ALG14: variants seen among roughly 807,000 people sequenced by gnomAD.
The protein encoded by ALG14 is UDP-N-acetylglucosamine transferase subunit ALG14.
ALG14 carries 17 observed loss-of-function variants against 22.8 expected under a neutral mutation model. The observed-to-expected ratio is 0.75, with a 90% CI of 0.51 to 1.12. The LOEUF is 1.12. ALG14 is among the 50% of genes most tolerant of loss of function. The pLI, the probability that ALG14 is intolerant of heterozygous loss-of-function variation, is 0.00. For missense variants in ALG14, 288 were observed against 271.8 expected, an observed-to-expected ratio of 1.06 and a Z score of -0.42; for synonymous variants, 89 against 103.7, an observed-to-expected ratio of 0.86 and a Z score of 0.86.
chr1:94,988,919 T>G (rs548289397), intron 3 of ALG14, among the ~76,000 whole-genome samples: 1 of 152,350 alleles, frequency 6.6e-6, no homozygotes, highest in African/African-American at 2.4e-5. Flanking sequence ...CTCTTCTAAC[T>G]TACGTCTTTG....
intron 3 of ALG14, among the ~76,000 whole-genome samples, chr1:95,000,777 T>TAAA (rs56810994): frequency 1.7e-4 from 11 of 65,196 alleles, no homozygotes; most frequent in African/African-American, 3.4e-4. Context: ...TATGCCACAC[T>TAAA]AAAAAAAAAA....
intron 3 of ALG14, among the ~76,000 whole-genome samples, chr1:95,013,299 T>C (rs1435952756): frequency 6.6e-6 from 1 of 152,084 alleles, no homozygotes; most frequent in African/African-American, 2.4e-5. Flanking sequence ...CCTCCATCTC[T>C]TTTGATGGAA....
At chr1:95,055,222 G>A (rs1022208140) in intron 2 of ALG14, among the ~76,000 whole-genome samples, 3 of 152,140 alleles carry the variant, frequency 2.0e-5, no homozygotes, top group Admixed American at 2.0e-4. Flanking sequence ...AAAACAAAAG[G>A]TGTAAGGATT....
Position 94,981,685 on chromosome 1 carries a change from T to TATTTTTTATTA in ALG14, c.*1390_*1391insTAATAAAAAAT, listed in dbSNP as rs1459737932. The stretch of plus-strand genomic sequence containing the variant: ...TTTTCTGTTTTTTATTTTGTTTTGT[T>TATTTTTTATTA]TTTTTTTTTTTTGGCTGCTTTGTTA... On this transcript the variant is annotated 3_prime_UTR_variant, in exon 4 of 4. Transcript: ENST00000370205. The TATTTTTTATTA allele has an allele frequency of 6.7e-5, 7 of 104,336 alleles. No individual in the cohort carries two copies. Among genetic ancestry groups the TATTTTTTATTA allele is most frequent in the African/African-American group, 1.7e-4 (6 of 34,528 alleles). 6.5% of individuals were successfully genotyped at this position (104,336 alleles called of 1,614,324 possible). A position where few individuals can be genotyped will look rare whatever the true frequency, so the allele number is the denominator to read the frequency against.
At chr1:95,060,711 G>GT (rs199781918) in intron 2 of ALG14, among the ~76,000 whole-genome samples, 107 of 151,342 alleles carry the variant, frequency 7.1e-4, no homozygotes, top group Non-Finnish European at 1.2e-3. Flanking sequence ...GTGAGACTCT[G>GT]TTTAAAAAAA....
At chr1:95,029,265 G>A (rs1252417834) in intron 2 of ALG14, among the ~76,000 whole-genome samples, 1 of 152,164 alleles carries the variant, frequency 6.6e-6, no homozygotes, top group Non-Finnish European at 1.5e-5. Context: ...TTGCCAAATG[G>A]ATCTTTCCAT....
rs1672529503 is a variant in ALG14 at position 94,982,785 on chromosome 1, C to T, written c.*291G>A. On this transcript the variant is annotated 3_prime_UTR_variant, in exon 4 of 4. Transcript: ENST00000370205. ...TATATTTAGTTCTGTAAAAAAAATA[C>T]TACTAAAACAGCCAGAAGAAAATTT... The T allele has an allele frequency of 5.0e-6, 1 of 201,130 alleles. No homozygotes were observed. The highest frequency in any genetic ancestry group is 6.2e-5 in the Admixed American group (1 of 16,166). The allele number at this position is 201,130 out of a possible 1,614,324, so 12.5% of individuals were successfully genotyped here.
At chr1:95,036,291 T>G (rs1674192178) in intron 2 of ALG14, among the ~76,000 whole-genome samples, 1 of 152,170 alleles carries the variant, frequency 6.6e-6, no homozygotes. Flanking sequence ...GATGGTTTTA[T>G]AAGGGGCTTC....
chr1:95,000,155 G>A (rs1015898122), intron 3 of ALG14, among the ~76,000 whole-genome samples: 1 of 152,106 alleles, frequency 6.6e-6, no homozygotes, highest in Non-Finnish European at 1.5e-5. Context: ...TGGTTTGAAG[G>A]CTCACCTGAA....
chr1:94,981,681 TTG>T lies in ALG14; in HGVS notation c.*1393_*1394del, dbSNP rs1472748099. ...TCTCTTTTCTGTTTTTTATTTTGTTTTGTTTTTTTTTTTTTTGGCTGCTTTGT... is the reference window on the plus strand; with the variant it reads ...TCTCTTTTCTGTTTTTTATTTTGTTTTTTTTTTTTTTTTTGGCTGCTTTGT... On this transcript the variant is annotated 3_prime_UTR_variant, in exon 4 of 4. Coordinates refer to ENST00000370205, the MANE Select transcript of ALG14 (RefSeq NM_144988.4). 7.1e-6 allele frequency: 1 copy of T among 140,146 alleles called. No homozygotes were observed. The highest frequency in any genetic ancestry group is 2.3e-4 in the South Asian group (1 of 4,312). The allele number at this position is 140,146 out of a possible 1,614,324, so 8.7% of individuals were successfully genotyped here.
At chr1:95,021,142 A>C (rs527700611) in intron 3 of ALG14, among the ~76,000 whole-genome samples, 4 of 152,148 alleles carry the variant, frequency 2.6e-5, no homozygotes, top group Non-Finnish European at 5.9e-5. Context: ...TTTTTTTCCT[A>C]TTCTACTTTT....
chr1:95,042,498 C>T (rs1052472830), intron 2 of ALG14, among the ~76,000 whole-genome samples: 4 of 152,218 alleles, frequency 2.6e-5, no homozygotes, highest in Admixed American at 6.5e-5. Flanking sequence ...CACACTGGAA[C>T]TCCCTTCACT....
At chr1:95,038,945 T>C (rs1419307267) in intron 2 of ALG14, among the ~76,000 whole-genome samples, 1 of 152,156 alleles carries the variant, frequency 6.6e-6, no homozygotes, top group Non-Finnish European at 1.5e-5. Flanking sequence ...TGGTCTGGAA[T>C]TCCTGGGTTC....
Position 94,983,265 on chromosome 1 carries a change from TAC to T in ALG14, c.460_461del (p.Val154IlefsTer19). On this transcript the variant is annotated frameshift_variant, in exon 4 of 4. Coordinates refer to ENST00000370205, the MANE Select transcript of ALG14 (RefSeq NM_144988.4). LOFTEE classifies it high-confidence loss of function. ...CTAGTATCCCAAGGAGAAGGGCAGA[TAC>T]ACAGATAGGAACACATGTTCCTGGT... The part of the protein sequence containing the change: ...NGPGTCVPIC[V>X]SALLLGILGI... 1 of 1,614,144 alleles carries T rather than the reference TAC, an allele frequency of 6.2e-7. No homozygotes were observed.
Position 94,983,198 on chromosome 1 carries a change from G to A in ALG14, c.529C>T (p.Arg177Cys), listed in dbSNP as rs1279524858. Residue 177 changes from arginine (R) to cysteine (C), a missense_variant, in exon 4 of 4, where the codon CGT (arginine) becomes TGT (cysteine). By Grantham distance (180) the Arg-to-Cys change is radical. Transcript: ENST00000370205. Reference sequence around the variant, plus strand: ...CCGGACATGGATAACGTTTCTACACGGCAGATGCTTTCAACGTAGACAATG... The same window carrying A: ...CCGGACATGGATAACGTTTCTACACAGCAGATGCTTTCAACGTAGACAATG... ...VIIVYVESIC[R>C]VETLSMSGKI... is the part of the protein sequence containing the mutation. 9 of 1,613,930 alleles carry A rather than the reference G, an allele frequency of 5.6e-6. No homozygotes were observed. The highest frequency in any genetic ancestry group is 1.7e-5 in the Admixed American group (1 of 59,992).
chr1:94,990,362 CT>C (rs112548968), intron 3 of ALG14, among the ~76,000 whole-genome samples: 86 of 152,296 alleles, frequency 5.6e-4, no homozygotes, highest in African/African-American at 2.0e-3. Flanking sequence ...TGTATTTCTT[CT>C]TTTTTATGTT....
At position 94,976,199 on chromosome 1, in the gene ALG14, T is replaced by G. The variant is rs1672395392; in HGVS notation, c.*6877A>C. 1 of 151,876 alleles carries G rather than the reference T, an allele frequency of 6.6e-6. No individual in the cohort carries two copies. Among genetic ancestry groups the G allele is most frequent in the Non-Finnish European group, 1.5e-5 (1 of 67,996 alleles). 9.4% of individuals were successfully genotyped at this position (151,876 alleles called of 1,614,324 possible). On this transcript the variant is annotated 3_prime_UTR_variant, in exon 4 of 4. Transcript: ENST00000370205. The stretch of plus-strand genomic sequence containing the variant: ...CCCTACAACTCTAACGCAGGTACAT[T>G]ATGCTTATTTTACAGAAAGGTCAAG...
chr1:95,042,004 T>C (rs1674395511), intron 2 of ALG14, among the ~76,000 whole-genome samples: 1 of 152,142 alleles, frequency 6.6e-6, no homozygotes, highest in Admixed American at 6.5e-5. Context: ...GGTATGTGTT[T>C]GGATTATTTC....
Position 95,072,791 on chromosome 1 carries a change from A to G in ALG14, c.108T>C (p.Ser36=). 6.2e-7 allele frequency: 1 copy of G among 1,614,150 alleles called. No individual in the cohort carries two copies. The highest frequency in any genetic ancestry group is 8.5e-7 in the Non-Finnish European group (1 of 1,180,022). ...LRSMDVTPRE[S]LSILVVAGSG... ...ACCCAGCCACTACCAAGATACTGAG[A>G]GACTCCCGGGGCGTAACGTCCATGG... Residue 36 remains serine (S), a synonymous_variant, in exon 1 of 4, where the codon TCT becomes TCC. Coordinates refer to ENST00000370205, the MANE Select transcript of ALG14 (RefSeq NM_144988.4).
Sources: gnomAD v4.1 joint callset for allele counts (sites outside exome capture counted in the v4.1 genomes callset) on GRCh38, gnomAD v4.1.1 for gene constraint, MANE v1.5 for transcripts, NCBI Gene and HGNC (gene_info 2026-07-23, HGNC 2026-07-21) for gene names.